Variants in FAM133B observed in about 807,000 individuals in gnomAD.
FAM133B encodes the protein family with sequence similarity 133 member B.
FAM133B carries 25 observed loss-of-function variants against 46.4 expected under a neutral mutation model. That is an observed-to-expected ratio of 0.54 (90% CI 0.39 to 0.75). The LOEUF is 0.75. Among genes scored for constraint, FAM133B ranks in the 30% least tolerant of loss-of-function variants. FAM133B has a pLI of 0.00. For synonymous variants in FAM133B, 75 were observed against 86.0 expected (o/e 0.87, Z 0.71); for missense variants, 205 against 277.6 (o/e 0.74, Z 1.86).
chr7:92,568,777 G>A (rs1225859471), intron 9 of FAM133B, among the ~76,000 whole-genome samples: 1 of 152,044 alleles, frequency 6.6e-6, no homozygotes, highest in Non-Finnish European at 1.5e-5. Context: ...CTGGGCTAGA[G>A]TGCAGTGGCT....
At chr7:92,590,182 C>A (rs1562901270) in intron 1 of FAM133B, 86 bp downstream of exon 1, 1 of 1,607,398 alleles carries the variant, frequency 6.2e-7, no homozygotes, top group Non-Finnish European at 8.5e-7. Flanking sequence ...CGCTTGCCCT[C>A]CGGCCCGGCC....
chr7:92,569,998 C>A, intron 8 of FAM133B, 83 bp from the exon 9 acceptor site: 1 of 562,560 alleles, frequency 1.8e-6, no homozygotes, highest in Non-Finnish European at 2.8e-6. Context: ...TTTAATTCTT[C>A]TAATTATTAT....
Position 92,569,610 on chromosome 7 carries a change from A to G in FAM133B, c.609+213T>C, listed in dbSNP as rs557310737. Reference sequence around the variant, plus strand: ...TAAAAATATCTCAGATTAGAAAGGTATGTGGAAATACAGTTAATTATAAAA... The same window carrying G: ...TAAAAATATCTCAGATTAGAAAGGTGTGTGGAAATACAGTTAATTATAAAA... On this transcript the variant is annotated intron_variant, in intron 9 of 10. Transcript: ENST00000445716. The G allele has an allele frequency of 5.4e-5, 16 of 295,752 alleles. 1 individual carries two copies. The South Asian group carries it at 1.4e-3, about 26-fold the overall frequency. The allele number at this position is 295,752 out of a possible 1,614,324, so 18.3% of individuals were successfully genotyped here. A position where few individuals can be genotyped will look rare whatever the true frequency, so the allele number is the denominator to read the frequency against.
rs552934380 is a variant in FAM133B, at chr7:92,565,173, C to T, written c.657+841G>A. On this transcript the variant is annotated intron_variant, in intron 10 of 10. Coordinates refer to ENST00000445716, the MANE Select transcript of FAM133B (RefSeq NM_152789.4). ...TCTTTTTTTTTTTTTTTTTTTAAGA[C>T]GGAGTCTTGCTCTGTTGCTGAGGCT... 7.8e-5 allele frequency among the ~76,000 whole-genome samples: 11 copies of T among 141,138 alleles called. No individual in the cohort carries two copies. In the East Asian group the frequency reaches 8.2e-4, roughly 10 times the overall value. The allele number at this position is 141,138 out of a possible 152,430, so 92.6% of individuals were successfully genotyped here. A position where few individuals can be genotyped will look rare whatever the true frequency, so the allele number is the denominator to read the frequency against.
intron 9 of FAM133B, among the ~76,000 whole-genome samples, chr7:92,568,121 C>A (rs969832056): frequency 6.6e-6 from 1 of 151,984 alleles, no homozygotes; most frequent in African/African-American, 2.4e-5. Flanking sequence ...TAGGGTTTCG[C>A]TATGTTGCCC....
rs536852559 is a variant in FAM133B, at chr7:92,579,640, A to C, written c.123-245T>G. ...TAAGAGCTAATACACCAAACATCTAAGCACTTACAACAGGCACTATTTAAA... is the reference window on the plus strand; with the variant it reads ...TAAGAGCTAATACACCAAACATCTACGCACTTACAACAGGCACTATTTAAA... On this transcript the variant is annotated intron_variant, in intron 2 of 10. Transcript: ENST00000445716. Among the ~76,000 whole-genome samples the C allele has an allele frequency of 2.6e-5, 4 of 152,316 alleles. No homozygotes were observed. The East Asian group carries it at 7.7e-4, about 29-fold the overall frequency.
At chr7:92,577,798 A>C (rs1794746943) in intron 5 of FAM133B, 81 bp from the exon 6 acceptor site, 2 of 1,130,788 alleles carry the variant, frequency 1.8e-6, no homozygotes, top group Non-Finnish European at 2.5e-6. Flanking sequence ...TACTTAGTGA[A>C]ATCAATCTAG....
In FAM133B at chr7:92,569,803, G is replaced by T; in HGVS notation, c.609+20C>A. 1 of 1,217,360 alleles carries T rather than the reference G, an allele frequency of 8.2e-7. No homozygotes were observed. Among genetic ancestry groups the T allele is most frequent in the Non-Finnish European group, 1.1e-6 (1 of 912,042 alleles). The allele number at this position is 1,217,360 out of a possible 1,614,324, so 75.4% of individuals were successfully genotyped here. A position where few individuals can be genotyped will look rare whatever the true frequency, so the allele number is the denominator to read the frequency against. The stretch of plus-strand genomic sequence containing the variant: ...CTAAGCATTTTAAAATAGAGAAAAT[G>T]GATTTGATCATATACTTACCTCCTC... On this transcript the variant is annotated intron_variant, in intron 9 of 10. Transcript: ENST00000445716.
At chr7:92,566,415 G>T (rs928662030) in intron 9 of FAM133B, among the ~76,000 whole-genome samples, 1 of 151,966 alleles carries the variant, frequency 6.6e-6, no homozygotes, top group African/African-American at 2.4e-5. Flanking sequence ...CTTGAGCCCA[G>T]GAGTTCAAGG....
chr7:92,572,691 C>T (rs1794567504), intron 8 of FAM133B, among the ~76,000 whole-genome samples: 2 of 152,124 alleles, frequency 1.3e-5, no homozygotes, highest in Admixed American at 6.5e-5. Flanking sequence ...TGCACTCCAG[C>T]CTGGGCAACA....
intron 8 of FAM133B, among the ~76,000 whole-genome samples, chr7:92,573,459 T>G (rs1794598672): frequency 6.9e-6 from 1 of 144,942 alleles, no homozygotes; most frequent in African/African-American, 2.6e-5. Context: ...CCAGTCTTTT[T>G]TCTTCTTTTT....
rs765526321 is a variant in FAM133B at position 92,578,182 on chromosome 7, T to G, written c.277A>C (p.Arg93=). ...GSESSSKKRQ[R]KKKEKKKSGR... is the part of the protein sequence containing the mutation. ...GATTTCTTCTTTTCTTTTTTCTTTCTCTAAATGGAAACAAAAGTACAAGTC... is the reference window on the plus strand; with the variant it reads ...GATTTCTTCTTTTCTTTTTTCTTTCGCTAAATGGAAACAAAAGTACAAGTC... The change falls in exon 5 of 11, where the codon AGA becomes CGA. Residue 93 remains arginine, a splice_region_variant and synonymous_variant. Transcript: ENST00000445716. The G allele has an allele frequency of 8.7e-6, 14 of 1,611,710 alleles. No homozygotes were observed. Among genetic ancestry groups the G allele is most frequent in the Non-Finnish European group, 1.2e-5 (14 of 1,179,172 alleles).
intron 8 of FAM133B, among the ~76,000 whole-genome samples, chr7:92,575,238 G>A (rs968362401): frequency 6.6e-6 from 1 of 152,222 alleles, no homozygotes; most frequent in Non-Finnish European, 1.5e-5. Context: ...GGCACGGAGA[G>A]GCCGAGGCAG....
chr7:92,562,972 T>C (rs1013554011), intron 10 of FAM133B, among the ~76,000 whole-genome samples: 1 of 152,224 alleles, frequency 6.6e-6, no homozygotes, highest in South Asian at 2.1e-4. Flanking sequence ...AAAATGCCAC[T>C]AATGCCCGGT....
chr7:92,585,454 A>C (rs1795013075), intron 1 of FAM133B: 1 of 696,504 alleles, frequency 1.4e-6, no homozygotes, highest in Admixed American at 6.3e-5. Context: ...CAAAGAGTGC[A>C]AATATACACA....
intron 9 of FAM133B, 104 bp from the exon 10 acceptor site, chr7:92,566,165 A>G: frequency 9.5e-7 from 1 of 1,056,444 alleles, no homozygotes; most frequent in Non-Finnish European, 1.4e-6. Context: ...ATTTAAATGT[A>G]AAAAACATTT....
At chr7:92,566,154 A>G in intron 9 of FAM133B, 93 bp from the exon 10 acceptor site, 1 of 1,158,708 alleles carries the variant, frequency 8.6e-7, no homozygotes, top group South Asian at 1.3e-5. Context: ...GCATCTTCAA[A>G]ATTTAAATGT....
At chr7:92,576,009 CTTT>C (rs1585306968) in intron 7 of FAM133B, among the ~76,000 whole-genome samples, 188 bp from the exon 8 acceptor site, 1 of 152,172 alleles carries the variant, frequency 6.6e-6, no homozygotes, top group Non-Finnish European at 1.5e-5. Context: ...AAACAGGCTT[CTTT>C]ATCTGGCTGT....
At chr7:92,567,904 C>T (rs1794410673) in intron 9 of FAM133B, among the ~76,000 whole-genome samples, 1 of 151,716 alleles carries the variant, frequency 6.6e-6, no homozygotes, top group Non-Finnish European at 1.5e-5. Flanking sequence ...GCTGGGATTG[C>T]GGGTCTGTGC....
Sources: allele counts gnomAD v4.1 joint callset (sites outside exome capture counted in the v4.1 genomes callset), GRCh38; gene constraint gnomAD v4.1.1; transcripts MANE v1.5; gene names NCBI Gene and HGNC (gene_info 2026-07-23, HGNC 2026-07-21).